LRRTM4: variants seen among roughly 807,000 people sequenced by gnomAD.
The protein encoded by LRRTM4 is leucine rich repeat transmembrane neuronal 4.
Under a neutral mutation model 47.6 loss-of-function variants are expected in LRRTM4, and 25 were observed. The observed-to-expected ratio is 0.53, with a 90% confidence interval of 0.38 to 0.73. The LOEUF (loss-of-function observed/expected upper bound fraction) is 0.73. Ranked by LOEUF, LRRTM4 falls within the 30% of genes least tolerant of loss-of-function variation. The pLI, the probability that LRRTM4 is intolerant of heterozygous loss-of-function variation, is 0.00. For synonymous variants in LRRTM4, 311 were observed against 269.5 expected (o/e 1.15, Z -1.51); for missense variants, 638 against 713.4 (o/e 0.89, Z 1.20).
At chr2:76,934,778 A>C (rs1357651745) in intron 3 of LRRTM4, among the ~76,000 whole-genome samples, 7 of 152,214 alleles carry the variant, frequency 4.6e-5, no homozygotes, top group Non-Finnish European at 1.5e-5. Context: ...GCAGATGCTC[A>C]CTAAATCTTT....
intron 3 of LRRTM4, among the ~76,000 whole-genome samples, chr2:77,406,785 A>C (rs1674205659): frequency 6.6e-6 from 1 of 152,126 alleles, no homozygotes; most frequent in African/African-American, 2.4e-5. Flanking sequence ...AAAGAGCTGA[A>C]GTAGAAAACA....
chr2:77,050,857 A>C (rs1037028043), intron 3 of LRRTM4, among the ~76,000 whole-genome samples: 2 of 152,134 alleles, frequency 1.3e-5, no homozygotes, highest in Non-Finnish European at 2.9e-5. Context: ...CCAGAGTAAG[A>C]ACTTCTCAGA....
intron 3 of LRRTM4, among the ~76,000 whole-genome samples, chr2:76,991,204 A>G (rs1676995439): frequency 6.6e-6 from 1 of 151,788 alleles, no homozygotes; most frequent in Admixed American, 6.6e-5. Flanking sequence ...GAAAGATCTC[A>G]AATTAATGAT....
chr2:76,818,926 A>G (rs1483001435), intron 3 of LRRTM4, among the ~76,000 whole-genome samples: 2 of 151,780 alleles, frequency 1.3e-5, no homozygotes, highest in South Asian at 4.1e-4. Flanking sequence ...TAGTAAAGTC[A>G]GTTTTAATAG....
At chr2:77,019,131 A>G (rs1316168481) in intron 3 of LRRTM4, among the ~76,000 whole-genome samples, 1 of 151,698 alleles carries the variant, frequency 6.6e-6, no homozygotes, top group Admixed American at 6.6e-5. Flanking sequence ...TGGAAACTCA[A>G]TTTTTAGACT....
chr2:77,436,577 C>A lies in LRRTM4; in HGVS notation c.1551+81741G>T, dbSNP rs1402778823. Among the ~76,000 whole-genome samples the A allele has an allele frequency of 2.6e-5, 4 of 151,808 alleles. No homozygotes were observed. The South Asian group carries it at 8.3e-4, about 31-fold the overall frequency. On this transcript the variant is annotated intron_variant, in intron 3 of 3. Transcript: ENST00000409884. The stretch of plus-strand genomic sequence containing the variant: ...ATTAATTTATTATAGAATCCATTAC[C>A]ATCAGAAATAACATGCGTTTAAACA...
chr2:77,113,934 G>C (rs1671319942), intron 3 of LRRTM4, among the ~76,000 whole-genome samples: 3 of 152,128 alleles, frequency 2.0e-5, no homozygotes, highest in Admixed American at 2.0e-4. Flanking sequence ...CGCGGAAGCT[G>C]CAAGTAGCGG....
chr2:76,928,596 T>C (rs758507571), intron 3 of LRRTM4, among the ~76,000 whole-genome samples: 1 of 152,126 alleles, frequency 6.6e-6, no homozygotes, highest in African/African-American at 2.4e-5. Flanking sequence ...TTTCAGGGCA[T>C]AGAATAAAGC....
At chr2:76,915,229 T>A (rs1477629145) in intron 3 of LRRTM4, among the ~76,000 whole-genome samples, 1 of 152,160 alleles carries the variant, frequency 6.6e-6, no homozygotes, top group South Asian at 2.1e-4. Flanking sequence ...GGTGGACTAA[T>A]GGGTTGAAGT....
At chr2:76,951,220 G>A (rs1428387007) in intron 3 of LRRTM4, among the ~76,000 whole-genome samples, 1 of 152,000 alleles carries the variant, frequency 6.6e-6, no homozygotes, top group African/African-American at 2.4e-5. Flanking sequence ...GATTAGCAGT[G>A]TAAAAATATC....
rs191944928 is a variant in LRRTM4 at position 77,100,739 on chromosome 2, T to G, written c.1552-351823A>C. On this transcript the variant is annotated intron_variant, in intron 3 of 3. Coordinates refer to ENST00000409884, the MANE Select transcript of LRRTM4 (RefSeq NM_001134745.3). The stretch of plus-strand genomic sequence containing the variant: ...TGATATTAAAATATTTTTGTTTTAC[T>G]TTGTTAAATATAATAATGGTATGGT... 3.9e-5 allele frequency among the ~76,000 whole-genome samples: 6 copies of G among 152,252 alleles called. No homozygotes were observed. In the East Asian group the frequency reaches 7.7e-4, roughly 20 times the overall value.
intron 3 of LRRTM4, among the ~76,000 whole-genome samples, chr2:77,058,420 A>G (rs1679678170): frequency 6.6e-6 from 1 of 152,166 alleles, no homozygotes; most frequent in African/African-American, 2.4e-5. Context: ...GCTGTTACAT[A>G]GTCAATATAA....
At chr2:76,963,197 A>G (rs1675917916) in intron 3 of LRRTM4, among the ~76,000 whole-genome samples, 2 of 150,984 alleles carry the variant, frequency 1.3e-5, no homozygotes, top group South Asian at 4.1e-4. Flanking sequence ...TGAAAGAGCA[A>G]TGATTACTAA....
intron 3 of LRRTM4, among the ~76,000 whole-genome samples, chr2:77,260,599 G>A (rs914142328): frequency 2.6e-5 from 4 of 152,032 alleles, no homozygotes; most frequent in Admixed American, 2.0e-4. Context: ...AGTTCTTGAT[G>A]CAATTAAGAA....
chr2:77,207,866 C>CTTTTTTTTTTTTTTTTT (rs754540782), intron 3 of LRRTM4, among the ~76,000 whole-genome samples: 3 of 42,614 alleles, frequency 7.0e-5, no homozygotes, highest in African/African-American at 2.0e-4. Flanking sequence ...GGGAAAGTGG[C>CTTTTTTTTTTTTTTTTT]TTTTTTTTTT....
chr2:77,394,784 G>A (rs1405924409), intron 3 of LRRTM4, among the ~76,000 whole-genome samples: 1 of 151,958 alleles, frequency 6.6e-6, no homozygotes, highest in East Asian at 1.9e-4. Flanking sequence ...AGGTGAAGCA[G>A]GAACACGAAG....
At chr2:77,364,262 C>G (rs982360473) in intron 3 of LRRTM4, among the ~76,000 whole-genome samples, 2 of 152,154 alleles carry the variant, frequency 1.3e-5, no homozygotes, top group African/African-American at 4.8e-5. Flanking sequence ...TTCTGCTCCT[C>G]TGTACACATT....
chr2:76,910,550 T>G (rs1674017183), intron 3 of LRRTM4, among the ~76,000 whole-genome samples: 1 of 152,154 alleles, frequency 6.6e-6, no homozygotes, highest in Non-Finnish European at 1.5e-5. Context: ...CGAAGAAATA[T>G]TTGTTTCTCA....
At chr2:76,874,616 T>G (rs1672727481) in intron 3 of LRRTM4, among the ~76,000 whole-genome samples, 2 of 152,044 alleles carry the variant, frequency 1.3e-5, no homozygotes, top group African/African-American at 2.4e-5. Context: ...AGAAAGTTTT[T>G]TTTTTAGGCA....
Sources: allele counts gnomAD v4.1 joint callset (sites outside exome capture counted in the v4.1 genomes callset), GRCh38; gene constraint gnomAD v4.1.1; transcripts MANE v1.5; gene names NCBI Gene and HGNC (gene_info 2026-07-23, HGNC 2026-07-21).